Variants in KATNB1 observed in about 807,000 individuals in gnomAD.
KATNB1 encodes the protein katanin p80 WD40 repeat-containing subunit B1.
In KATNB1, 38 loss-of-function variants were observed where a neutral mutation model predicts 82.3. The observed-to-expected ratio is 0.46, with a 90% CI of 0.36 to 0.61. The LOEUF is 0.61. Among genes scored for constraint, KATNB1 ranks in the 20% least tolerant of loss-of-function variants. The pLI, the probability that KATNB1 is intolerant of heterozygous loss-of-function variation, is 0.00. For missense variants in KATNB1, 749 were observed against 915.7 expected (o/e 0.82, Z 2.35); for synonymous variants, 361 against 368.7 (o/e 0.98, Z 0.24).
intron 12 of KATNB1, 61 bp from the exon 13 acceptor site, chr16:57,753,884 C>A: frequency 6.5e-7 from 1 of 1,536,784 alleles, no homozygotes; most frequent in Non-Finnish European, 9.0e-7. Flanking sequence ...CTGGACAGGG[C>A]CCTGGGTCCC....
intron 2 of KATNB1, 134 bp from the exon 3 acceptor site, chr16:57,741,553 A>G: frequency 2.2e-6 from 2 of 913,016 alleles, no homozygotes; most frequent in Non-Finnish European, 3.4e-6. Flanking sequence ...GTGGACACCA[A>G]AGGGGGAGCT....
chr16:57,737,214 G>T lies in KATNB1; in HGVS notation c.-30G>T, dbSNP rs1061546. On this transcript the variant is annotated 5_prime_UTR_variant, in exon 2 of 20. Transcript: ENST00000379661. ...GAGGAAAGCACAGTTTATTTTGTGG[G>T]TGGGGCTTCAGGTGCCAGCCAGCTG... 221,769 of 1,612,890 alleles carry T rather than the reference G, an allele frequency of 0.14. 16,466 individuals carry two copies. Among genetic ancestry groups the T allele is most frequent in the African/African-American group, 0.19 (14,096 of 74,996 alleles).
Position 57,737,046 on chromosome 16 carries a change from G to T in KATNB1, c.-198G>T. On this transcript the variant is annotated 5_prime_UTR_variant, in exon 2 of 20. Transcript: ENST00000379661. ...CCAGGATCGTGACAGATGTGCACAG[G>T]CTGCTGCTGTTGCTGCTGTGGGTAA... The T allele has an allele frequency of 1.4e-6, 1 of 709,148 alleles. No individual in the cohort carries two copies. Among genetic ancestry groups the T allele is most frequent in the Non-Finnish European group, 2.6e-6 (1 of 391,376 alleles). The allele number at this position is 709,148 out of a possible 1,614,324, so 43.9% of individuals were successfully genotyped here. A position where few individuals can be genotyped will look rare whatever the true frequency, so the allele number is the denominator to read the frequency against.
intron 16 of KATNB1, 68 bp downstream of exon 16, chr16:57,755,562 T>C: frequency 1.3e-6 from 2 of 1,571,362 alleles, no homozygotes; most frequent in East Asian, 4.5e-5. Flanking sequence ...TGCCCGGGCT[T>C]GGGGCAGAAC....
At chr16:57,743,795 T>C (rs1375662820) in intron 3 of KATNB1, among the ~76,000 whole-genome samples, 34 of 152,240 alleles carry the variant, frequency 2.2e-4, no homozygotes, top group Admixed American at 2.2e-3. Context: ...TTTTTATTTT[T>C]GAGTATGGGA....
chr16:57,741,519 T>C lies in KATNB1; in HGVS notation c.41-168T>C, dbSNP rs569324160. On this transcript the variant is annotated intron_variant, in intron 2 of 19. Transcript: ENST00000379661. ...TCCGTCTCAGGCCCATGCCCTGCCC[T>C]GTCTGCTGGTCCTGCAGCTCATGGT... Among the ~76,000 whole-genome samples the C allele has an allele frequency of 4.2e-4, 64 of 152,344 alleles. 1 individual carries two copies. Among genetic ancestry groups the C allele is most frequent in the Non-Finnish European group, 8.7e-4 (59 of 68,028 alleles).
chr16:57,743,763 G>A (rs576112017), intron 3 of KATNB1, among the ~76,000 whole-genome samples: 5 of 152,340 alleles, frequency 3.3e-5, no homozygotes, highest in Admixed American at 1.3e-4. Context: ...CTGTCCCCCT[G>A]CAGGCCGTCC....
intron 3 of KATNB1, among the ~76,000 whole-genome samples, chr16:57,743,587 G>A (rs968698662): frequency 5.9e-5 from 9 of 152,276 alleles, no homozygotes; most frequent in African/African-American, 9.6e-5. Context: ...GGGGCCAACC[G>A]TCTGGGGCCT....
intron 2 of KATNB1, among the ~76,000 whole-genome samples, chr16:57,741,416 A>T (rs1243332437): frequency 6.6e-6 from 1 of 152,252 alleles, no homozygotes; most frequent in Non-Finnish European, 1.5e-5. Context: ...TTACCAGGTG[A>T]TATGCAGAAA....
chr16:57,752,321 G>A, intron 8 of KATNB1: 1 of 628,770 alleles, frequency 1.6e-6, no homozygotes, highest in South Asian at 1.9e-5. Flanking sequence ...ATAGGGCAGG[G>A]AGGCTCGTGG....
intron 4 of KATNB1, 147 bp downstream of exon 4, chr16:57,744,658 C>T (rs1177483896): frequency 2.9e-6 from 2 of 699,354 alleles, no homozygotes; most frequent in Non-Finnish European, 5.1e-6. Flanking sequence ...GCACCCACTC[C>T]ACCCCCATTA....
chr16:57,736,573 T>C (rs1211822883), intron 1 of KATNB1, among the ~76,000 whole-genome samples: 1 of 152,092 alleles, frequency 6.6e-6, no homozygotes, highest in African/African-American at 2.4e-5. Context: ...TCAGTGGCCG[T>C]CTCTGGGATG....
intron 2 of KATNB1, among the ~76,000 whole-genome samples, chr16:57,740,650 G>GAGCCAACCAC (rs1555579145): frequency 6.6e-6 from 1 of 152,206 alleles, no homozygotes; most frequent in Admixed American, 6.5e-5. Context: ...GATGGGTTCT[G>GAGCCAACCAC]AGGCCCGGGC....
At chr16:57,741,286 T>C (rs916146565) in intron 2 of KATNB1, among the ~76,000 whole-genome samples, 1 of 152,206 alleles carries the variant, frequency 6.6e-6, no homozygotes, top group Non-Finnish European at 1.5e-5. Flanking sequence ...TTGTTTTTCT[T>C]TTTGTATCAT....
intron 3 of KATNB1, among the ~76,000 whole-genome samples, chr16:57,743,153 C>T (rs1329686129): frequency 2.0e-5 from 3 of 152,224 alleles, no homozygotes; most frequent in Admixed American, 6.5e-5. Flanking sequence ...ATTAGCCGGG[C>T]GTGGTGGCAG....
In KATNB1 at chr16:57,755,666, C is replaced by T. The variant is rs1555585798; in HGVS notation, c.1566+172C>T. Reference sequence around the variant, plus strand: ...CATCATCATCATCATCACAGACTGCCGTTTAGTGAGCATCTGTTTACATGC... The same window carrying T: ...CATCATCATCATCATCACAGACTGCTGTTTAGTGAGCATCTGTTTACATGC... On this transcript the variant is annotated intron_variant, in intron 16 of 19. Transcript: ENST00000379661. 6 of 1,019,908 alleles carry T rather than the reference C, an allele frequency of 5.9e-6. No individual in the cohort carries two copies. The Admixed American group carries it at 8.0e-5, about 14-fold the overall frequency. The allele number at this position is 1,019,908 out of a possible 1,614,324, so 63.2% of individuals were successfully genotyped here. A position where few individuals can be genotyped will look rare whatever the true frequency, so the allele number is the denominator to read the frequency against.
chr16:57,738,923 C>G (rs2049123337), intron 2 of KATNB1, among the ~76,000 whole-genome samples: 1 of 145,062 alleles, frequency 6.9e-6, no homozygotes, highest in Non-Finnish European at 1.5e-5. Context: ...CCTCTAGTTG[C>G]AAGCTGGTGC....
rs1567901198 is a variant in KATNB1 at position 57,751,949 on chromosome 16, C to G, written c.526C>G (p.Leu176Val). Reference protein sequence around the residue: ...ADDHTVKLWDLTAGKMMSEFP... With the variant: ...ADDHTVKLWDVTAGKMMSEFP... ...CCTGCCCTGCCTCCAGCTCTGGGAT[C>G]TCACTGCCGGCAAGATGATGTCTGA... Residue 176 changes from leucine to valine, a missense_variant, in exon 8 of 20, where the codon CTC (leucine) becomes GTC (valine). Transcript: ENST00000379661. This position sits in a 1 kb window ranked among gnomAD's most constrained non-coding sequence, Gnocchi z 6.3. 6.2e-7 allele frequency: 1 copy of G among 1,613,492 alleles called. No homozygotes were observed. The highest frequency in any genetic ancestry group is 1.7e-5 in the Admixed American group (1 of 60,004).
In KATNB1 at chr16:57,753,487, A is replaced by G. The variant is rs533676974; in HGVS notation, c.1145A>G (p.Tyr382Cys). ...GCGGAGATCCAGAACGCCGAGGACT[A>G]CAACGAGATCTTCCAGCCCAAGAAC... is the stretch of plus-strand genomic sequence containing the variant. Reference protein sequence around the residue: ...SRAEIQNAEDYNEIFQPKNSI... With the variant: ...SRAEIQNAEDCNEIFQPKNSI... Residue 382 changes from tyrosine (Y) to cysteine (C), a missense_variant, in exon 12 of 20, where the codon TAC becomes TGC. Around this residue, in one of 3 missense-constraint regions of KATNB1, gnomAD observed 407 missense variants for 434.7 expected, o/e 0.94. Coordinates refer to ENST00000379661, the MANE Select transcript of KATNB1 (RefSeq NM_005886.3). 4.3e-6 allele frequency: 7 copies of G among 1,613,182 alleles called. No individual in the cohort carries two copies. In the African/African-American group the frequency reaches 8.0e-5, roughly 18 times the overall value.
Sources: gnomAD v4.1 joint callset for allele counts (sites outside exome capture counted in the v4.1 genomes callset) on GRCh38, gnomAD v4.1.1 for gene constraint, gnomAD v4.1.1 regional missense constraint, Gnocchi (gnomAD v3.1) non-coding constraint, MANE v1.5 for transcripts, NCBI Gene and HGNC (gene_info 2026-07-23, HGNC 2026-07-21) for gene names.